Variants in PSTPIP2 observed in about 807,000 individuals in gnomAD.
PSTPIP2 encodes proline-serine-threonine phosphatase interacting protein 2, also known as proline-serine-threonine phosphatase-interacting protein 2.
Under a neutral mutation model 63.3 loss-of-function variants are expected in PSTPIP2, and 33 were observed. The ratio of observed to expected loss-of-function variants is 0.52; its 90% CI spans 0.40 to 0.70. The LOEUF is 0.70. Ranked by LOEUF, PSTPIP2 falls within the 30% of genes least tolerant of loss-of-function variation. The pLI is 0.00. For missense variants in PSTPIP2, 312 were observed against 400.7 expected, an observed-to-expected ratio of 0.78 and a Z score of 1.89; for synonymous variants, 125 against 132.7, an observed-to-expected ratio of 0.94 and a Z score of 0.40.
At chr18:45,994,216 A>G (rs773099059) in intron 9 of PSTPIP2, among the ~76,000 whole-genome samples, 5 of 152,244 alleles carry the variant, frequency 3.3e-5, no homozygotes, top group African/African-American at 1.2e-4. Flanking sequence ...CCTGAGATAC[A>G]GTATTTTGGA....
intron 9 of PSTPIP2, among the ~76,000 whole-genome samples, chr18:45,995,869 G>T (rs1054418837): frequency 6.6e-6 from 1 of 152,226 alleles, no homozygotes; most frequent in Non-Finnish European, 1.5e-5. Context: ...AGGCTAGAGT[G>T]TAGTGGCATG....
chr18:46,055,416 G>A (rs1908721145), intron 1 of PSTPIP2, among the ~76,000 whole-genome samples: 1 of 152,184 alleles, frequency 6.6e-6, no homozygotes, highest in Admixed American at 6.5e-5. Context: ...ACTGCATTGG[G>A]CTCAAGTGAT....
At position 45,990,746 on chromosome 18, in the gene PSTPIP2, G is replaced by C. The variant is rs776845317; in HGVS notation, c.931C>G (p.Leu311Val). 2 of 1,605,452 alleles carry C rather than the reference G, an allele frequency of 1.2e-6. No individual in the cohort carries two copies. The highest frequency in any genetic ancestry group is 1.3e-5 in the African/African-American group (1 of 74,538). ...CCTGGTGAGCTTTTAGGAATTGGGA[G>C]GGGTCCTCTCCTGTAAGAAATGAAA... Reference protein sequence around the residue: ...TGPNLARRGPLPIPKSSPDDP... With the variant: ...TGPNLARRGPVPIPKSSPDDP... Residue 311 changes from leucine to valine, a missense_variant, in exon 13 of 15, where the codon CTC becomes GTC. By Grantham distance (32) the Leu-to-Val change is conservative. Transcript: ENST00000409746.
At chr18:45,997,711 A>T (rs759663187) in intron 9 of PSTPIP2, 38 bp downstream of exon 9, 2 of 236,596 alleles carry the variant, frequency 8.5e-6, no homozygotes, top group Non-Finnish European at 1.7e-5. Context: ...ACCCCCACCC[A>T]CCCACCCCAG....
intron 3 of PSTPIP2, among the ~76,000 whole-genome samples, chr18:46,021,407 AT>A (rs1465325367): frequency 1.7e-5 from 2 of 118,684 alleles, no homozygotes; most frequent in Non-Finnish European, 1.9e-5. Context: ...TTTTAAAACA[AT>A]TTATATATAT....
rs2051639201 is a variant in PSTPIP2, at chr18:45,999,354, A to G, written c.516+82T>C. ...TTCCAGGGGTTTAGGATACAGGTTC[A>G]TTTCTTATGAAGATTCATAATTGGC... On this transcript the variant is annotated intron_variant, in intron 7 of 14. Transcript: ENST00000409746. 1.3e-5 allele frequency: 17 copies of G among 1,312,482 alleles called. No individual in the cohort carries two copies. The South Asian group carries it at 1.7e-4, about 13-fold the overall frequency. The allele number at this position is 1,312,482 out of a possible 1,614,324, so 81.3% of individuals were successfully genotyped here.
Position 45,998,487 on chromosome 18 carries a change from C to A in PSTPIP2, c.562+307G>T, listed in dbSNP as rs115899014. On this transcript the variant is annotated intron_variant, in intron 8 of 14. Transcript: ENST00000409746. Reference sequence around the variant, plus strand: ...CCGCTACCACATGACTCCACCATCTCACTCCCATGTAAGGCAGCAAGATCT... The same window carrying A: ...CCGCTACCACATGACTCCACCATCTAACTCCCATGTAAGGCAGCAAGATCT... Among the ~76,000 whole-genome samples the A allele has an allele frequency of 3.1e-3, 466 of 152,262 alleles. 5 individuals are homozygous for A. Among genetic ancestry groups the A allele is most frequent in the African/African-American group, 0.01 (433 of 41,540 alleles).
chr18:46,064,272 CTTTT>C (rs1193172426), intron 1 of PSTPIP2, among the ~76,000 whole-genome samples: 2 of 125,732 alleles, frequency 1.6e-5, no homozygotes, highest in Non-Finnish European at 3.4e-5. Flanking sequence ...TTTCTTCTTT[CTTTT>C]TCTTTCTTTT....
intron 1 of PSTPIP2, chr18:46,041,120 G>A (rs1599735053): frequency 2.2e-6 from 1 of 451,934 alleles, no homozygotes; most frequent in Admixed American, 2.4e-5. Flanking sequence ...GCAGCTCTGA[G>A]CCAGAAGCCA....
chr18:46,040,103 G>A (rs1034461699), intron 1 of PSTPIP2, 56 bp from the exon 2 acceptor site: 170 of 1,385,258 alleles, frequency 1.2e-4, no homozygotes, highest in South Asian at 1.9e-4. Context: ...CCCCAAGGCC[G>A]GAGAGAAGAT....
chr18:46,000,319 G>A (rs2051649904), intron 6 of PSTPIP2, among the ~76,000 whole-genome samples: 1 of 152,162 alleles, frequency 6.6e-6, no homozygotes, highest in Admixed American at 6.5e-5. Context: ...TGAACAGCCG[G>A]CAGGTTACCA....
intron 1 of PSTPIP2, among the ~76,000 whole-genome samples, chr18:46,040,630 C>T (rs191504199): frequency 5.3e-5 from 8 of 152,346 alleles, no homozygotes; most frequent in African/African-American, 1.7e-4. Flanking sequence ...TCTGTAACTG[C>T]AAACATTTGT....
chr18:46,012,266 TG>T (rs1252909464), intron 4 of PSTPIP2, among the ~76,000 whole-genome samples: 4 of 151,852 alleles, frequency 2.6e-5, no homozygotes, highest in African/African-American at 4.8e-5. Flanking sequence ...ACAGCACTGT[TG>T]GGGAAAAAAA....
chr18:46,004,649 C>T (rs979224415), intron 6 of PSTPIP2, among the ~76,000 whole-genome samples: 3 of 151,998 alleles, frequency 2.0e-5, no homozygotes, highest in African/African-American at 7.3e-5. Flanking sequence ...AACTGACTTG[C>T]TATATTTTCT....
chr18:46,051,267 G>A (rs1413304982), intron 1 of PSTPIP2, among the ~76,000 whole-genome samples: 3 of 152,162 alleles, frequency 2.0e-5, no homozygotes, highest in African/African-American at 7.2e-5. Flanking sequence ...CTTGAGGACA[G>A]GAGTTCAAGA....
chr18:46,004,422 C>A (rs1470633135), intron 6 of PSTPIP2, among the ~76,000 whole-genome samples: 1 of 152,180 alleles, frequency 6.6e-6, no homozygotes, highest in Non-Finnish European at 1.5e-5. Context: ...AGATTTCTAG[C>A]AACTTGTCCA....
At chr18:46,000,587 C>T (rs565613652) in intron 6 of PSTPIP2, among the ~76,000 whole-genome samples, 11 of 152,264 alleles carry the variant, frequency 7.2e-5, no homozygotes, top group Admixed American at 3.3e-4. Flanking sequence ...AGGCTGGTCT[C>T]GAACTCCTGA....
intron 2 of PSTPIP2, among the ~76,000 whole-genome samples, chr18:46,030,483 C>T (rs1476034186): frequency 6.6e-6 from 1 of 152,176 alleles, no homozygotes; most frequent in Non-Finnish European, 1.5e-5. Context: ...GTTGTACTTC[C>T]ACCTCCTCAA....
chr18:45,995,263 G>A (rs576700897), intron 9 of PSTPIP2, among the ~76,000 whole-genome samples: 10 of 151,924 alleles, frequency 6.6e-5, no homozygotes, highest in East Asian at 5.8e-4. Flanking sequence ...CACCATGCCC[G>A]GCTAATTTTT....
Sources: allele counts gnomAD v4.1 joint callset (sites outside exome capture counted in the v4.1 genomes callset), GRCh38; gene constraint gnomAD v4.1.1; transcripts MANE v1.5; gene names NCBI Gene and HGNC (gene_info 2026-07-23, HGNC 2026-07-21).